LRRK1: variants seen among roughly 807,000 people sequenced by gnomAD.
LRRK1 encodes leucine rich repeat kinase 1, also known as leucine-rich repeat serine/threonine-protein kinase 1.
In LRRK1, 113 loss-of-function variants were observed where a neutral mutation model predicts 209.1. The ratio of observed to expected loss-of-function variants is 0.54; its 90% CI spans 0.46 to 0.63. LRRK1 has a LOEUF of 0.63. Ranked by LOEUF, LRRK1 falls within the 30% of genes least tolerant of loss-of-function variation. The probability of loss-of-function intolerance (pLI) is 0.00; values close to 1 mark genes in which losing one functional copy is unlikely to be tolerated. For synonymous variants in LRRK1, 1,144 were observed against 1,099.7 expected (o/e 1.04, Z -0.80); for missense variants, 2,284 against 2,632.2 (o/e 0.87, Z 2.89).
intron 2 of LRRK1, among the ~76,000 whole-genome samples, chr15:100,942,356 T>A (rs1281776548): frequency 6.6e-6 from 1 of 152,224 alleles, no homozygotes; most frequent in Non-Finnish European, 1.5e-5. Flanking sequence ...CCTGTTCTTT[T>A]TCTCTTTCTC....
intron 12 of LRRK1, 91 bp from the exon 13 acceptor site, chr15:101,020,962 G>A: frequency 6.9e-7 from 1 of 1,449,282 alleles, no homozygotes; most frequent in South Asian, 1.2e-5. Flanking sequence ...GCCCTCTGGA[G>A]GTTGCATCAG....
At chr15:100,941,892 C>A (rs1207036177) in intron 2 of LRRK1, among the ~76,000 whole-genome samples, 1 of 152,186 alleles carries the variant, frequency 6.6e-6, no homozygotes, top group Non-Finnish European at 1.5e-5. Context: ...CCCACTATGG[C>A]TCCCCACTCC....
At position 100,973,845 on chromosome 15, in the gene LRRK1, G is replaced by T; in HGVS notation, c.139G>T (p.Asp47Tyr). 1 of 1,294,288 alleles carries T rather than the reference G, an allele frequency of 7.7e-7. No individual in the cohort carries two copies. The highest frequency in any genetic ancestry group is 2.3e-5 in the South Asian group (1 of 43,254). 80.2% of individuals were successfully genotyped at this position (1,294,288 alleles called of 1,614,324 possible). Residue 47 changes from aspartate to tyrosine, a missense_variant, in exon 3 of 34, where the codon GAC (aspartate) becomes TAC (tyrosine). Coordinates refer to ENST00000388948, the MANE Select transcript of LRRK1 (RefSeq NM_024652.6). Reference sequence around the variant, plus strand: ...CGGCAAGCCGTCCACGCGGGGCGGTGACCCTGCAGCGCGGTCCCGCAGGAC... The same window carrying T: ...CGGCAAGCCGTCCACGCGGGGCGGTTACCCTGCAGCGCGGTCCCGCAGGAC... ...TGGKPSTRGG[D>Y]PAARSRRTEG...
chr15:100,960,277 C>T (rs368599218), intron 2 of LRRK1, among the ~76,000 whole-genome samples: 11 of 116,758 alleles, frequency 9.4e-5, no homozygotes, highest in East Asian at 2.4e-4. Context: ...GTTCATATTG[C>T]TTTTTTTTTT....
At chr15:101,010,040 C>G (rs551179692) in intron 7 of LRRK1, among the ~76,000 whole-genome samples, 1 of 152,168 alleles carries the variant, frequency 6.6e-6, no homozygotes, top group African/African-American at 2.4e-5. Context: ...CAAGTGAGAA[C>G]GGGAAAGAAG....
At chr15:100,985,087 G>C (rs1205607150) in intron 4 of LRRK1, among the ~76,000 whole-genome samples, 1 of 152,226 alleles carries the variant, frequency 6.6e-6, no homozygotes, top group Non-Finnish European at 1.5e-5. Context: ...GTTTCCAGCT[G>C]TGGGCTTTGA....
chr15:100,941,240 GTGTCTGTC>G (rs1240326869), intron 2 of LRRK1, among the ~76,000 whole-genome samples: 1 of 150,482 alleles, frequency 6.6e-6, no homozygotes, highest in Non-Finnish European at 1.5e-5. Context: ...GTGTCTGTGT[GTGTCTGTC>G]TGTGTGTGTG....
rs1169332520 is a variant in LRRK1, at chr15:101,027,737, G to C, written c.2626G>C (p.Glu876Gln). The change falls in exon 19 of 34, where the codon GAG becomes CAG. Residue 876 changes from glutamate (E) to glutamine (Q), a missense_variant. Coordinates refer to ENST00000388948, the MANE Select transcript of LRRK1 (RefSeq NM_024652.6). The surrounding 1 kb of genome is among the most constrained non-coding windows in gnomAD (Gnocchi z 5.1). ...DVQYLTDRQL[E>Q]QLVEQTPDND... The stretch of plus-strand genomic sequence containing the variant: ...GCAGTACCTGACGGACAGGCAGCTG[G>C]AGCAGCTGGTGGAGCAGACGCCCGA... 1.2e-6 allele frequency: 2 copies of C among 1,609,518 alleles called. No homozygotes were observed. Among genetic ancestry groups the C allele is most frequent in the South Asian group, 2.2e-5 (2 of 89,994 alleles).
chr15:101,065,859 C>T lies in LRRK1; in HGVS notation c.5422C>T (p.Pro1808Ser). Reference sequence around the variant, plus strand: ...CAGCCACACGGCCAACCCAAAGGTGCCTGAGGGGGACTCCATCGCGGACGT... The same window carrying T: ...CAGCCACACGGCCAACCCAAAGGTGTCTGAGGGGGACTCCATCGCGGACGT... ...AASHTANPKV[P>S]EGDSIADVSI... The change falls in exon 32 of 34, where the codon CCT (proline) becomes TCT (serine). Residue 1808 changes from proline (P) to serine (S), a missense_variant. Physicochemically the swap from Pro to Ser is moderately conservative, Grantham distance 74. Transcript: ENST00000388948. The T allele has an allele frequency of 2.5e-6, 4 of 1,614,098 alleles. No homozygotes were observed. The highest frequency in any genetic ancestry group is 3.4e-6 in the Non-Finnish European group (4 of 1,180,020).
At chr15:100,928,318 C>T (rs2042149255) in intron 2 of LRRK1, among the ~76,000 whole-genome samples, 1 of 152,098 alleles carries the variant, frequency 6.6e-6, no homozygotes, top group Admixed American at 6.5e-5. Context: ...GCAGCTGATC[C>T]CCCCGCAGGA....
At chr15:101,015,583 C>T (rs1199621247) in intron 12 of LRRK1, among the ~76,000 whole-genome samples, 181 bp downstream of exon 12, 1 of 152,230 alleles carries the variant, frequency 6.6e-6, no homozygotes, top group Non-Finnish European at 1.5e-5. Context: ...TTCTTTCTGT[C>T]CCACGTGTGA....
At chr15:101,023,035 A>G (rs1246125211) in intron 15 of LRRK1, among the ~76,000 whole-genome samples, 1 of 152,036 alleles carries the variant, frequency 6.6e-6, no homozygotes, top group Non-Finnish European at 1.5e-5. Flanking sequence ...TCTGACCCCA[A>G]GGATTCAAGT....
intron 16 of LRRK1, 90 bp downstream of exon 16, chr15:101,025,057 A>G (rs769586007): frequency 5.4e-5 from 70 of 1,303,516 alleles, no homozygotes; most frequent in Non-Finnish European, 6.7e-5. Flanking sequence ...GTACTGAGAA[A>G]AAAAGGGGGT....
intron 2 of LRRK1, among the ~76,000 whole-genome samples, chr15:100,954,630 T>C (rs2042717821): frequency 1.3e-5 from 2 of 152,232 alleles, no homozygotes; most frequent in South Asian, 4.1e-4. Flanking sequence ...CTGTTTCATA[T>C]GTTTTAAGTC....
In LRRK1 at chr15:101,077,638, A is replaced by G. The variant is rs776291915; in HGVS notation, c.*8790A>G. The G allele has an allele frequency of 3.3e-5, 5 of 152,240 alleles. No individual in the cohort carries two copies. The highest frequency in any genetic ancestry group is 5.9e-5 in the Non-Finnish European group (4 of 68,024). 9.4% of individuals were successfully genotyped at this position (152,240 alleles called of 1,614,324 possible). On this transcript the variant is annotated 3_prime_UTR_variant, in exon 34 of 34. Transcript: ENST00000388948. ...GAATGTTTCTTCTAACAACCGCACAATATCACCCCTTACCACAAGACCTCC... is the reference window on the plus strand; with the variant it reads ...GAATGTTTCTTCTAACAACCGCACAGTATCACCCCTTACCACAAGACCTCC...
intron 2 of LRRK1, among the ~76,000 whole-genome samples, chr15:100,953,636 G>A (rs927337538): frequency 4.6e-5 from 7 of 151,894 alleles, no homozygotes; most frequent in Admixed American, 1.3e-4. Context: ...GCTACATACC[G>A]TTAATATGGG....
chr15:100,963,738 G>A (rs2141639368), intron 2 of LRRK1, among the ~76,000 whole-genome samples: 1 of 152,302 alleles, frequency 6.6e-6, no homozygotes, highest in Admixed American at 6.5e-5. Context: ...ATGTAGTACT[G>A]CCCTCCCGCT....
chr15:100,948,957 C>T (rs553293696), intron 2 of LRRK1, among the ~76,000 whole-genome samples: 1 of 151,962 alleles, frequency 6.6e-6, no homozygotes, highest in South Asian at 2.1e-4. Context: ...AAACTTCCAC[C>T]TTAAGAAACT....
At chr15:100,967,786 C>T (rs1212569733) in intron 2 of LRRK1, among the ~76,000 whole-genome samples, 1 of 152,210 alleles carries the variant, frequency 6.6e-6, no homozygotes, top group African/African-American at 2.4e-5. Flanking sequence ...ATCCAACCAT[C>T]CACTCATTTT....
Sources: allele counts gnomAD v4.1 joint callset (sites outside exome capture counted in the v4.1 genomes callset), GRCh38; gene constraint gnomAD v4.1.1; non-coding constraint Gnocchi (gnomAD v3.1); transcripts MANE v1.5; gene names NCBI Gene and HGNC (gene_info 2026-07-23, HGNC 2026-07-21).